The following LRBA variants were observed in gnomAD, a reference collection of about 807,000 sequenced individuals.
The protein encoded by LRBA is lipopolysaccharide-responsive and beige-like anchor protein.
LRBA carries 176 observed loss-of-function variants against 330.0 expected under a neutral mutation model. That is an observed-to-expected ratio of 0.53 (90% confidence interval 0.47 to 0.60). The LOEUF is 0.60. LRBA is among the 20% of genes least tolerant of loss of function. LRBA has a pLI of 0.00. For missense variants in LRBA, 3,259 were observed against 3,444.8 expected, an observed-to-expected ratio of 0.95 and a Z score of 1.35; for synonymous variants, 1,230 against 1,193.0, an observed-to-expected ratio of 1.03 and a Z score of -0.64.
intron 48 of LRBA, among the ~76,000 whole-genome samples, chr4:150,341,228 C>A (rs1024448162): frequency 6.6e-6 from 1 of 152,160 alleles, no homozygotes; most frequent in Non-Finnish European, 1.5e-5. Context: ...GTGGTGTGAT[C>A]TGAACTCACT....
chr4:150,553,211 G>A (rs898180308), intron 40 of LRBA, among the ~76,000 whole-genome samples: 5 of 151,952 alleles, frequency 3.3e-5, no homozygotes, highest in Admixed American at 6.6e-5. Flanking sequence ...GCAAACTATC[G>A]CAAGGACAGA....
intron 44 of LRBA, among the ~76,000 whole-genome samples, chr4:150,463,704 A>T (rs1285255762): frequency 6.6e-6 from 1 of 152,084 alleles, no homozygotes; most frequent in Non-Finnish European, 1.5e-5. Context: ...CCTTAGGTAC[A>T]GCTGTAATAT....
chr4:150,329,760 T>C (rs1330780300), intron 48 of LRBA, among the ~76,000 whole-genome samples: 1 of 152,230 alleles, frequency 6.6e-6, no homozygotes, highest in Non-Finnish European at 1.5e-5. Flanking sequence ...TACTATTTTT[T>C]ATTTTAGCAT....
intron 48 of LRBA, among the ~76,000 whole-genome samples, chr4:150,331,032 A>G (rs1446220791): frequency 6.6e-6 from 1 of 152,154 alleles, no homozygotes; most frequent in Non-Finnish European, 1.5e-5. Flanking sequence ...CTCTCAGGGA[A>G]GCTCTGAAAG....
chr4:150,423,857 C>T (rs543652114), intron 46 of LRBA, among the ~76,000 whole-genome samples: 1 of 152,220 alleles, frequency 6.6e-6, no homozygotes, highest in African/African-American at 2.4e-5. Context: ...CCCGAGAATA[C>T]AGATCTAAAT....
At chr4:150,499,990 T>G (rs1162024914) in intron 40 of LRBA, among the ~76,000 whole-genome samples, 1 of 152,012 alleles carries the variant, frequency 6.6e-6, no homozygotes, top group Non-Finnish European at 1.5e-5. Flanking sequence ...ATGGAAAGAT[T>G]TGTTAAAAGA....
At chr4:150,294,820 C>T (rs1018367360) in intron 53 of LRBA, among the ~76,000 whole-genome samples, 4 of 152,102 alleles carry the variant, frequency 2.6e-5, no homozygotes, top group South Asian at 2.1e-4. Flanking sequence ...GGCGCGCTGG[C>T]GCCCACATGT....
At chr4:150,977,390 C>G (rs938230559) in intron 2 of LRBA, among the ~76,000 whole-genome samples, 1 of 152,106 alleles carries the variant, frequency 6.6e-6, no homozygotes, top group Non-Finnish European at 1.5e-5. Context: ...TATACACACA[C>G]GCTGGGCCAG....
intron 42 of LRBA, among the ~76,000 whole-genome samples, chr4:150,484,712 C>CATT (rs1401588936): frequency 6.6e-6 from 1 of 151,500 alleles, no homozygotes; most frequent in Non-Finnish European, 1.5e-5. Flanking sequence ...AAGCTAAGAT[C>CATT]ATTGATTTTA....
intron 46 of LRBA, among the ~76,000 whole-genome samples, chr4:150,420,411 ACAT>A (rs1164475752): frequency 1.5e-5 from 2 of 135,462 alleles, no homozygotes; most frequent in East Asian, 2.1e-4. Flanking sequence ...TATATAATAC[ACAT>A]TATAGTATAT....
chr4:150,642,928 G>A (rs4355367), intron 37 of LRBA, among the ~76,000 whole-genome samples: 118,791 of 151,754 alleles, frequency 0.78, 51,157 homozygotes, highest in Non-Finnish European at 0.95. Context: ...TGTTATATTC[G>A]CATCATTATT....
intron 34 of LRBA, among the ~76,000 whole-genome samples, chr4:150,783,165 G>A (rs1473902920): frequency 1.3e-5 from 2 of 152,176 alleles, no homozygotes; most frequent in Non-Finnish European, 2.9e-5. Context: ...GATTTGCTAA[G>A]GAGACTGGTT....
Position 150,583,123 on chromosome 4 carries a change from C to T in LRBA, c.6330+4925G>A, listed in dbSNP as rs1350712084. The T allele has an allele frequency of 6.2e-7, 1 of 1,614,090 alleles. No homozygotes were observed. Among genetic ancestry groups the T allele is most frequent in the Non-Finnish European group, 8.5e-7 (1 of 1,180,026 alleles). The stretch of plus-strand genomic sequence containing the variant: ...CAAGGCGGCCATCGCCAAAACCATC[C>T]GAGAGGTCTGTAAGGTGGTCTCGGA... On this transcript the variant is annotated intron_variant, in intron 40 of 56. Transcript: ENST00000651943. The surrounding 1 kb of genome is among the most constrained non-coding windows in gnomAD (Gnocchi z 9.8).
At chr4:150,340,924 G>A (rs1003814675) in intron 48 of LRBA, among the ~76,000 whole-genome samples, 1 of 152,124 alleles carries the variant, frequency 6.6e-6, no homozygotes, top group African/African-American at 2.4e-5. Context: ...TGTGAGTCAA[G>A]CAGATTTTAT....
At chr4:150,599,248 T>C in intron 37 of LRBA, 117 bp from the exon 38 acceptor site, 1 of 1,051,036 alleles carries the variant, frequency 9.5e-7, no homozygotes, top group African/African-American at 1.6e-5. Context: ...TCCTTCCACT[T>C]AATTCTCCCT....
At chr4:150,424,451 C>T (rs1749270388) in intron 46 of LRBA, among the ~76,000 whole-genome samples, 1 of 152,190 alleles carries the variant, frequency 6.6e-6, no homozygotes, top group East Asian at 1.9e-4. Flanking sequence ...GCTATATGTA[C>T]ATCTAAGAAA....
intron 2 of LRBA, among the ~76,000 whole-genome samples, chr4:150,994,982 T>C (rs531903807): frequency 1.1e-4 from 16 of 152,068 alleles, no homozygotes; most frequent in African/African-American, 2.9e-4. Context: ...GACATAAAGG[T>C]TGGGGCCTAA....
chr4:150,410,323 T>C (rs1746794674), intron 47 of LRBA, among the ~76,000 whole-genome samples: 1 of 152,172 alleles, frequency 6.6e-6, no homozygotes, highest in African/African-American at 2.4e-5. Context: ...AGAAACAAGT[T>C]TAGATTTTAT....
chr4:150,861,981 CAA>C (rs199556164), intron 22 of LRBA, among the ~76,000 whole-genome samples: 26 of 111,386 alleles, frequency 2.3e-4, no homozygotes, highest in Non-Finnish European at 1.8e-4. Context: ...ACTCTGACTC[CAA>C]AAAAAAAAAA....
Sources: allele counts gnomAD v4.1 joint callset (sites outside exome capture counted in the v4.1 genomes callset), GRCh38; gene constraint gnomAD v4.1.1; non-coding constraint Gnocchi (gnomAD v3.1); transcripts MANE v1.5; gene names NCBI Gene and HGNC (gene_info 2026-07-23, HGNC 2026-07-21).